C7: variants seen among roughly 807,000 people sequenced by gnomAD.
C7 encodes the protein complement component C7.
Under a neutral mutation model 104.8 loss-of-function variants are expected in C7, and 83 were observed. The ratio of observed to expected loss-of-function variants is 0.79; its 90% CI spans 0.66 to 0.95. The LOEUF is 0.95. Among genes scored for constraint, C7 ranks in the 40% least tolerant of loss-of-function variants. The probability of loss-of-function intolerance (pLI) is 0.00; values close to 1 mark genes in which losing one functional copy is unlikely to be tolerated. For synonymous variants in C7, 415 were observed against 360.6 expected (o/e 1.15, Z -1.71); for missense variants, 1,070 against 1,011.2 (o/e 1.06, Z -0.79).
At chr5:40,915,247 T>G (rs1215766542) in intron 1 of C7, among the ~76,000 whole-genome samples, 1 of 152,168 alleles carries the variant, frequency 6.6e-6, no homozygotes, top group Non-Finnish European at 1.5e-5. Flanking sequence ...CAAGCAAGAT[T>G]CTGTTTTACT....
intron 15 of C7, among the ~76,000 whole-genome samples, chr5:40,975,216 A>G (rs1328649582): frequency 6.9e-6 from 1 of 145,408 alleles, no homozygotes; most frequent in Non-Finnish European, 1.5e-5. Context: ...GTTAAAACTA[A>G]AAAATTAATA....
At chr5:40,973,881 T>C (rs1740752814) in intron 15 of C7, among the ~76,000 whole-genome samples, 1 of 152,212 alleles carries the variant, frequency 6.6e-6, no homozygotes, top group South Asian at 2.1e-4. Flanking sequence ...GAAAATTCTA[T>C]TAAAGTGGGT....
chr5:40,976,906 A>T lies in C7; in HGVS notation c.2165+66A>T, dbSNP rs1740831825. 2.4e-6 allele frequency: 3 copies of T among 1,255,080 alleles called. No individual in the cohort carries two copies. The Admixed American group carries it at 6.5e-5, about 27-fold the overall frequency. 77.7% of individuals were successfully genotyped at this position (1,255,080 alleles called of 1,614,324 possible). A position where few individuals can be genotyped will look rare whatever the true frequency, so the allele number is the denominator to read the frequency against. ...AATGATAAGGGATAATTTCTTAGAT[A>T]ATAGTGTCTGTTGGATGGAAGGTGT... On this transcript the variant is annotated intron_variant, in intron 16 of 17. Coordinates refer to ENST00000313164, the MANE Select transcript of C7 (RefSeq NM_000587.4).
chr5:40,937,950 C>T (rs935999592), intron 6 of C7, among the ~76,000 whole-genome samples: 1 of 152,102 alleles, frequency 6.6e-6, no homozygotes, highest in Admixed American at 6.6e-5. Context: ...AGGCCCAAGA[C>T]CTTATTGTCT....
intron 6 of C7, 108 bp downstream of exon 6, chr5:40,937,798 G>GT (rs564883539): frequency 1.3e-4 from 118 of 916,576 alleles, no homozygotes; most frequent in Non-Finnish European, 1.8e-4. Context: ...CTAATGTGTG[G>GT]TCAATTTTTA....
chr5:40,973,973 A>C (rs945078169), intron 15 of C7, among the ~76,000 whole-genome samples: 3 of 151,932 alleles, frequency 2.0e-5, no homozygotes, highest in African/African-American at 7.3e-5. Flanking sequence ...TATAACAAAC[A>C]AAAAAATCCA....
At chr5:40,951,745 A>T (rs1173451093) in intron 9 of C7, among the ~76,000 whole-genome samples, 2 of 152,182 alleles carry the variant, frequency 1.3e-5, no homozygotes, top group African/African-American at 4.8e-5. Flanking sequence ...CTCTTGGGGT[A>T]ATGGCAAAAG....
At chr5:40,926,372 ACTTTTG>A (rs1739552582) in intron 1 of C7, among the ~76,000 whole-genome samples, 1 of 152,056 alleles carries the variant, frequency 6.6e-6, no homozygotes, top group Non-Finnish European at 1.5e-5. Context: ...CACTTTTGCC[ACTTTTG>A]CCACTTTTAT....
rs1276750289 is a variant in C7 at position 40,936,339 on chromosome 5, T to C, written c.282T>C (p.Gly94=). ...CACGTGGATTTCTCTGGTGTTCAGG[T>C]CAGTGCATCAGCAAATCATTGGTTT... ...GCGERFRCFS[G]QCISKSLVCN... is the part of the protein sequence containing the mutation. Residue 94 remains glycine, a splice_region_variant and synonymous_variant, in exon 5 of 18, where the codon GGT becomes GGC. Coordinates refer to ENST00000313164, the MANE Select transcript of C7 (RefSeq NM_000587.4). 9 of 1,613,056 alleles carry C rather than the reference T, an allele frequency of 5.6e-6. No individual in the cohort carries two copies. The highest frequency in any genetic ancestry group is 7.6e-6 in the Non-Finnish European group (9 of 1,179,362).
Position 40,964,598 on chromosome 5 carries a change from A to G in C7, c.1750-143A>G, listed in dbSNP as rs531425372. ...AGTGTTACTAACTATATAGGGGAAAATGTTTTTATAGACACTTTTCTGAAT... is the reference window on the plus strand; with the variant it reads ...AGTGTTACTAACTATATAGGGGAAAGTGTTTTTATAGACACTTTTCTGAAT... On this transcript the variant is annotated intron_variant, in intron 13 of 17. Coordinates refer to ENST00000313164, the MANE Select transcript of C7 (RefSeq NM_000587.4). 1.3e-5 allele frequency: 9 copies of G among 674,208 alleles called. No homozygotes were observed. The East Asian group carries it at 1.9e-4, about 14-fold the overall frequency. 41.8% of individuals were successfully genotyped at this position (674,208 alleles called of 1,614,324 possible).
chr5:40,949,009 G>A (rs1740108763), intron 8 of C7, among the ~76,000 whole-genome samples: 1 of 151,876 alleles, frequency 6.6e-6, no homozygotes, highest in South Asian at 2.1e-4. Context: ...CACAAGTACA[G>A]GTTTTTGTAG....
chr5:40,956,462 A>G (rs1740293536), intron 10 of C7, among the ~76,000 whole-genome samples: 1 of 152,328 alleles, frequency 6.6e-6, no homozygotes, highest in East Asian at 1.9e-4. Flanking sequence ...TGAGTTTTGT[A>G]TATTCCTATG....
intron 4 of C7, 24 bp from the exon 5 acceptor site, chr5:40,936,314 C>T: frequency 2.5e-6 from 4 of 1,611,950 alleles, no homozygotes; most frequent in Middle Eastern, 1.7e-4. Context: ...TTTACATTTG[C>T]ACGTGGATTT....
In C7 at chr5:40,945,332, T is replaced by G. The variant is rs763683636; in HGVS notation, c.702T>G (p.Ser234Arg). The G allele has an allele frequency of 6.2e-7, 1 of 1,607,474 alleles. No individual in the cohort carries two copies. Among genetic ancestry groups the G allele is most frequent in the South Asian group, 1.1e-5 (1 of 89,014 alleles). ...FFRSSSSSSR[S>R]YTSHTNEIHK... ...GATCTTCATCATCTTCTTCACGCAG[T>G]TATACTTCACATACCAATGAAATCC... Residue 234 changes from serine (S) to arginine (R), a missense_variant, in exon 7 of 18, where the codon AGT (serine) becomes AGG (arginine). By Grantham distance (110) the Ser-to-Arg change is moderately radical. Coordinates refer to ENST00000313164, the MANE Select transcript of C7 (RefSeq NM_000587.4).
rs765823812 is a variant in C7 at position 40,940,228 on chromosome 5, G to T, written c.567+2538G>T. Among the ~76,000 whole-genome samples, 5 of 152,302 alleles carry T rather than the reference G, an allele frequency of 3.3e-5. No individual in the cohort carries two copies. In the East Asian group the frequency reaches 5.8e-4, roughly 18 times the overall value. ...AGTCTCTCTTATAATCCCTGTTTCGGTTTTTAGCATCGCGGTTTATCCAGG... is the reference window on the plus strand; with the variant it reads ...AGTCTCTCTTATAATCCCTGTTTCGTTTTTTAGCATCGCGGTTTATCCAGG... On this transcript the variant is annotated intron_variant, in intron 6 of 17. Coordinates refer to ENST00000313164, the MANE Select transcript of C7 (RefSeq NM_000587.4).
Position 40,928,605 on chromosome 5 carries a change from G to C in C7, c.32G>C (p.Gly11Ala). ...GTGATAAGCTTATTCATTTTGGTGG[G>C]ATTTATAGGAGAGTTCCAAAGTTTT... MKVISLFILVGFIGEFQSFSS... is the reference protein window; with the variant it reads MKVISLFILVAFIGEFQSFSS... The change falls in exon 2 of 18, where the codon GGA (glycine) becomes GCA (alanine). Residue 11 changes from glycine (G) to alanine (A), a missense_variant. Physicochemically the swap from Gly to Ala is moderately conservative, Grantham distance 60. Coordinates refer to ENST00000313164, the MANE Select transcript of C7 (RefSeq NM_000587.4). 1 of 1,551,624 alleles carries C rather than the reference G, an allele frequency of 6.4e-7. No homozygotes were observed. Among genetic ancestry groups the C allele is most frequent in the Non-Finnish European group, 8.7e-7 (1 of 1,144,020 alleles).
At chr5:40,912,095 T>C (rs972078672) in intron 1 of C7, among the ~76,000 whole-genome samples, 4 of 152,158 alleles carry the variant, frequency 2.6e-5, no homozygotes, top group East Asian at 1.9e-4. Context: ...TCAGTTCAGA[T>C]GTATGTCTAT....
At chr5:40,919,297 G>A (rs1157155794) in intron 1 of C7, among the ~76,000 whole-genome samples, 1 of 151,886 alleles carries the variant, frequency 6.6e-6, no homozygotes, top group African/African-American at 2.4e-5. Flanking sequence ...GTTAATTTTT[G>A]TATTTTTAGT....
intron 1 of C7, among the ~76,000 whole-genome samples, chr5:40,912,227 G>T (rs188047291): frequency 6.6e-6 from 1 of 152,276 alleles, no homozygotes; most frequent in Non-Finnish European, 1.5e-5. Context: ...TTGGTTAGTA[G>T]ATTCACTTTG....
Sources: gnomAD v4.1 joint callset for allele counts (sites outside exome capture counted in the v4.1 genomes callset) on GRCh38, gnomAD v4.1.1 for gene constraint, MANE v1.5 for transcripts, NCBI Gene and HGNC (gene_info 2026-07-23, HGNC 2026-07-21) for gene names.